RBFOX1: variants seen among roughly 807,000 people sequenced by gnomAD.
RBFOX1 encodes the protein RNA binding fox-1 homolog 1, also known as RNA binding protein fox-1 homolog 1.
Under a neutral mutation model 57.7 loss-of-function variants are expected in RBFOX1, and 8 were observed. That is an observed-to-expected ratio of 0.14 (90% CI 0.08 to 0.25). The LOEUF (loss-of-function observed/expected upper bound fraction) is 0.25. Among genes scored for constraint, RBFOX1 ranks in the 10% least tolerant of loss-of-function variants. The pLI is 1.00. For synonymous variants in RBFOX1, 326 were observed against 222.4 expected, an observed-to-expected ratio of 1.47 and a Z score of -4.15; for missense variants, 611 against 548.5, an observed-to-expected ratio of 1.11 and a Z score of -1.14.
At chr16:6,515,047 AGAAGT>A (rs1197048151) in intron 2 of RBFOX1, among the ~76,000 whole-genome samples, 1 of 152,152 alleles carries the variant, frequency 6.6e-6, no homozygotes, top group Non-Finnish European at 1.5e-5. Flanking sequence ...TAATTTCTGA[AGAAGT>A]GAAGGAAGGA....
At chr16:6,924,759 C>T (rs1379742434) in intron 3 of RBFOX1, among the ~76,000 whole-genome samples, 1 of 151,280 alleles carries the variant, frequency 6.6e-6, no homozygotes. Context: ...TATACATGTG[C>T]CATGTTGGTG....
intron 2 of RBFOX1, among the ~76,000 whole-genome samples, chr16:6,590,670 T>C (rs1340808536): frequency 6.6e-6 from 1 of 152,206 alleles, no homozygotes; most frequent in Admixed American, 6.5e-5. Flanking sequence ...TCAGAGGATA[T>C]TTACATGCAT....
In RBFOX1 at chr16:7,654,235, A is replaced by G. The variant is rs546754717; in HGVS notation, c.890+288A>G. Among the ~76,000 whole-genome samples the G allele has an allele frequency of 1.1e-4, 16 of 152,366 alleles. 1 individual carries two copies. Among genetic ancestry groups the G allele is most frequent in the African/African-American group, 3.8e-4 (16 of 41,588 alleles). On this transcript the variant is annotated intron_variant, in intron 12 of 15. Transcript: ENST00000550418. ...AATGCTGGAGAACAGAGAAATGGTT[A>G]CAGCCAAAGATGTATTTCTGATGAT...
intron 3 of RBFOX1, among the ~76,000 whole-genome samples, chr16:6,779,817 A>T (rs187138078): frequency 1.1e-4 from 3 of 27,310 alleles, no homozygotes; most frequent in South Asian, 1.8e-3. Context: ...TTATATATAT[A>T]TTTATATATA....
intron 1 of RBFOX1, among the ~76,000 whole-genome samples, chr16:5,322,231 C>G (rs1294560581): frequency 2.6e-5 from 4 of 152,282 alleles, no homozygotes; most frequent in Middle Eastern, 3.4e-3. Flanking sequence ...AAACACAAAA[C>G]TAGAAGCAAT....
chr16:7,148,823 C>G (rs562528696), intron 4 of RBFOX1, among the ~76,000 whole-genome samples: 9 of 152,300 alleles, frequency 5.9e-5, no homozygotes, highest in African/African-American at 2.2e-4. Context: ...CAGACAGGCT[C>G]TGAGTATGTT....
At chr16:7,043,372 C>T (rs748143659) in intron 3 of RBFOX1, among the ~76,000 whole-genome samples, 1 of 152,144 alleles carries the variant, frequency 6.6e-6, no homozygotes, top group Non-Finnish European at 1.5e-5. Context: ...TAGATACACA[C>T]CCCCTTTCAT....
intron 3 of RBFOX1, among the ~76,000 whole-genome samples, chr16:6,873,383 T>C (rs1278484667): frequency 6.6e-6 from 1 of 152,276 alleles, no homozygotes; most frequent in Non-Finnish European, 1.5e-5. Context: ...GTCTTTGAGT[T>C]ATGTAAGCAG....
intron 4 of RBFOX1, among the ~76,000 whole-genome samples, chr16:5,966,687 C>T (rs953836488): frequency 3.9e-5 from 6 of 152,050 alleles, no homozygotes; most frequent in African/African-American, 9.7e-5. Context: ...TTTGACAACT[C>T]GCTGTTGTGA....
intron 3 of RBFOX1, among the ~76,000 whole-genome samples, chr16:5,774,480 C>G (rs936285856): frequency 2.0e-5 from 3 of 152,212 alleles, no homozygotes; most frequent in African/African-American, 7.2e-5. Flanking sequence ...TTCAGTGCCT[C>G]TCTGGCTTTC....
intron 4 of RBFOX1, among the ~76,000 whole-genome samples, chr16:7,254,187 C>G (rs1054135749): frequency 2.6e-4 from 39 of 152,086 alleles, no homozygotes; most frequent in African/African-American, 8.9e-4. Context: ...AAATAGTTTG[C>G]CTGAAATCAC....
intron 3 of RBFOX1, among the ~76,000 whole-genome samples, chr16:6,962,693 A>T (rs2083279053): frequency 6.6e-6 from 1 of 152,112 alleles, no homozygotes; most frequent in East Asian, 1.9e-4. Context: ...AGTGAAAGTC[A>T]GCCTCTACAA....
At chr16:6,417,000 T>C (rs953927443) in intron 2 of RBFOX1, among the ~76,000 whole-genome samples, 2 of 151,980 alleles carry the variant, frequency 1.3e-5, no homozygotes, top group Admixed American at 6.6e-5. Flanking sequence ...TTTGTGCAGA[T>C]CATTCCTCTT....
chr16:6,979,818 G>A (rs2088178737), intron 3 of RBFOX1, among the ~76,000 whole-genome samples: 1 of 152,096 alleles, frequency 6.6e-6, no homozygotes, highest in South Asian at 2.1e-4. Flanking sequence ...CTACAGAAAT[G>A]CCAGATGCAC....
Position 5,512,709 on chromosome 16 carries a change from A to G in RBFOX1, c.258+45455A>G, listed in dbSNP as rs74004353. Reference sequence around the variant, plus strand: ...ACCCACCCCCAACTCAGCTTTACCTATTGTTAACATCTTATACTCTTGTGA... The same window carrying G: ...ACCCACCCCCAACTCAGCTTTACCTGTTGTTAACATCTTATACTCTTGTGA... On this transcript the variant is annotated intron_variant, in intron 2 of 2. Transcript: ENST00000585867. 5.6e-3 allele frequency among the ~76,000 whole-genome samples: 858 copies of G among 152,266 alleles called. 5 individuals carry two copies. Among genetic ancestry groups the G allele is most frequent in the African/African-American group, 0.018 (754 of 41,544 alleles).
chr16:6,850,228 T>C (rs1165938977), intron 3 of RBFOX1, among the ~76,000 whole-genome samples: 1 of 152,172 alleles, frequency 6.6e-6, no homozygotes, highest in African/African-American at 2.4e-5. Flanking sequence ...GATTCCTCTT[T>C]TGGGGCGTAA....
At position 6,337,661 on chromosome 16, in the gene RBFOX1, C is replaced by G. The variant is rs544028086; in HGVS notation, c.-64+20604C>G. ...GCACTACTTATTGTCTCTGTTTTCT[C>G]TCTAATTGATACGTGTCTTAGGAAA... On this transcript the variant is annotated intron_variant, in intron 2 of 15. Transcript: ENST00000550418. Among the ~76,000 whole-genome samples, 3 of 152,294 alleles carry G rather than the reference C, an allele frequency of 2.0e-5. No individual in the cohort carries two copies. The East Asian group carries it at 5.8e-4, about 29-fold the overall frequency.
intron 4 of RBFOX1, among the ~76,000 whole-genome samples, chr16:7,329,112 G>T (rs2096650805): frequency 6.6e-6 from 1 of 152,210 alleles, no homozygotes; most frequent in Admixed American, 6.5e-5. Flanking sequence ...ATTTTGAGCA[G>T]TTGCAGCAGA....
At chr16:7,019,916 T>G (rs759712798) in intron 3 of RBFOX1, among the ~76,000 whole-genome samples, 12 of 151,856 alleles carry the variant, frequency 7.9e-5, no homozygotes, top group Non-Finnish European at 1.3e-4. Flanking sequence ...CTCTTTTACC[T>G]CCCAGCCTTT....
Sources: gnomAD v4.1 joint callset for allele counts (sites outside exome capture counted in the v4.1 genomes callset) on GRCh38, gnomAD v4.1.1 for gene constraint, MANE v1.5 for transcripts, NCBI Gene and HGNC (gene_info 2026-07-23, HGNC 2026-07-21) for gene names.